Variants in IL1RAPL1 observed in about 807,000 individuals in gnomAD.
The protein encoded by IL1RAPL1 is interleukin-1 receptor accessory protein-like 1.
IL1RAPL1 carries 3 observed loss-of-function variants against 48.4 expected under a neutral mutation model. The ratio of observed to expected loss-of-function variants is 0.06; its 90% CI spans 0.03 to 0.16. IL1RAPL1 has a LOEUF of 0.16. IL1RAPL1 is among the 10% of genes least tolerant of loss of function. The pLI, the probability that IL1RAPL1 is intolerant of heterozygous loss-of-function variation, is 1.00. For synonymous variants in IL1RAPL1, 185 were observed against 187.7 expected, an observed-to-expected ratio of 0.99 and a Z score of 0.12; for missense variants, 349 against 530.6, an observed-to-expected ratio of 0.66 and a Z score of 3.36.
chrX:29,749,029 G>A (rs1357392226), intron 6 of IL1RAPL1, among the ~76,000 whole-genome samples: 2 of 112,519 alleles, frequency 1.8e-5, no homozygotes, highest in African/African-American at 6.5e-5. Context: ...AGCAAAATGA[G>A]GAAGAAATGA....
chrX:29,889,031 A>G (rs1932222288), intron 6 of IL1RAPL1, among the ~76,000 whole-genome samples: 1 of 111,856 alleles, frequency 8.9e-6, no homozygotes, highest in African/African-American at 3.2e-5. Context: ...TTTTATGACT[A>G]GCTGAAAATT....
intron 2 of IL1RAPL1, among the ~76,000 whole-genome samples, chrX:28,791,569 C>T (rs996925817): frequency 1.1e-4 from 12 of 111,778 alleles, no homozygotes; most frequent in East Asian, 5.6e-4. Flanking sequence ...GCAGTTGTCA[C>T]GTAATTATAT....
At chrX:29,611,291 C>T (rs1315293142) in intron 5 of IL1RAPL1, among the ~76,000 whole-genome samples, 1 of 111,830 alleles carries the variant, frequency 8.9e-6, no homozygotes, top group Non-Finnish European at 1.9e-5. Context: ...CACAGTAAAA[C>T]TTGGTTTCCA....
intron 6 of IL1RAPL1, among the ~76,000 whole-genome samples, chrX:29,691,423 T>G (rs1387200917): frequency 9.0e-6 from 1 of 111,601 alleles, no homozygotes; most frequent in South Asian, 3.7e-4. Flanking sequence ...CAGAGAATCT[T>G]GAATGCTAGT....
intron 5 of IL1RAPL1, among the ~76,000 whole-genome samples, chrX:29,510,816 C>T (rs750704111): frequency 8.9e-6 from 1 of 111,989 alleles, no homozygotes; most frequent in South Asian, 3.7e-4. Flanking sequence ...ACCAACACCT[C>T]TGCTCACATT....
At chrX:29,588,790 G>T (rs748913475) in intron 5 of IL1RAPL1, among the ~76,000 whole-genome samples, 2 of 112,084 alleles carry the variant, frequency 1.8e-5, no homozygotes, top group Admixed American at 9.4e-5. Flanking sequence ...TTGATGTCTG[G>T]TAAGTTATAT....
chrX:29,077,955 C>T (rs1243119942), intron 2 of IL1RAPL1, among the ~76,000 whole-genome samples: 4 of 111,592 alleles, frequency 3.6e-5, no homozygotes, highest in Non-Finnish European at 7.5e-5. Context: ...AGAAAAGCCA[C>T]GCTACAAGAC....
intron 6 of IL1RAPL1, among the ~76,000 whole-genome samples, chrX:29,805,068 AT>A (rs1290576721): frequency 1.8e-5 from 2 of 112,295 alleles, no homozygotes; most frequent in Non-Finnish European, 3.8e-5. Context: ...TCCCTTAACC[AT>A]TGTGGTAAGC....
At position 29,148,865 on chromosome X, in the gene IL1RAPL1, CTG is replaced by C. The variant is rs1161658055; in HGVS notation, c.83-134069_83-134068del. 2.7e-5 allele frequency among the ~76,000 whole-genome samples: 3 copies of C among 111,605 alleles called. No individual in the cohort carries two copies. The Admixed American group carries it at 2.9e-4, about 11-fold the overall frequency. ...CTAACTTTCCCATAAAAAGAACAGA[CTG>C]TGTTCAACGTACCCAGATAATACCA... On this transcript the variant is annotated intron_variant, in intron 2 of 10. Transcript: ENST00000378993.
chrX:29,587,076 C>T (rs149430091), intron 5 of IL1RAPL1, among the ~76,000 whole-genome samples: 1,502 of 110,962 alleles, frequency 0.014, 18 homozygotes, highest in African/African-American at 0.047. Flanking sequence ...CTGCAGACAT[C>T]GTTAGCCATG....
chrX:28,670,976 C>T (rs1934941934), intron 1 of IL1RAPL1, among the ~76,000 whole-genome samples: 1 of 112,128 alleles, frequency 8.9e-6, no homozygotes, highest in Non-Finnish European at 1.9e-5. Context: ...TTAAATTCTT[C>T]TGAAGTTTAA....
intron 1 of IL1RAPL1, among the ~76,000 whole-genome samples, chrX:28,640,499 C>T (rs750028154): frequency 9.2e-6 from 1 of 109,163 alleles, no homozygotes; most frequent in East Asian, 2.9e-4. Context: ...GTGTGCACCA[C>T]CACACCCGGC....
intron 2 of IL1RAPL1, among the ~76,000 whole-genome samples, chrX:29,069,021 A>G (rs1030422876): frequency 2.7e-5 from 3 of 111,597 alleles, no homozygotes; most frequent in African/African-American, 9.8e-5. Flanking sequence ...CCTAAGCCCC[A>G]CTCTCTCCCA....
At chrX:28,903,433 T>A (rs113027602) in intron 2 of IL1RAPL1, among the ~76,000 whole-genome samples, 1 of 42,844 alleles carries the variant, frequency 2.3e-5, no homozygotes, top group Non-Finnish European at 4.6e-5. Context: ...TCTTTTTTTT[T>A]TTTTTTTGTT....
chrX:29,076,927 A>G (rs1170651573), intron 2 of IL1RAPL1, among the ~76,000 whole-genome samples: 1 of 111,898 alleles, frequency 8.9e-6, no homozygotes, highest in Non-Finnish European at 1.9e-5. Flanking sequence ...TGGATTTGGA[A>G]AAACTTCATG....
Position 28,768,077 on chromosome X carries a change from G to A in IL1RAPL1, c.-24-21243G>A, listed in dbSNP as rs186892651. Among the ~76,000 whole-genome samples, 3 of 111,263 alleles carry A rather than the reference G, an allele frequency of 2.7e-5. No individual in the cohort carries two copies. In the East Asian group the frequency reaches 8.5e-4, roughly 31 times the overall value. Reference sequence around the variant, plus strand: ...AAGATATAATGGGCTCTAATTTTTAGAGAGTCCTGAGAAGTCCATGAATAT... The same window carrying A: ...AAGATATAATGGGCTCTAATTTTTAAAGAGTCCTGAGAAGTCCATGAATAT... On this transcript the variant is annotated intron_variant, in intron 1 of 10. Coordinates refer to ENST00000378993, the MANE Select transcript of IL1RAPL1 (RefSeq NM_014271.4).
In IL1RAPL1 at chrX:29,117,893, G is replaced by A. The variant is rs779391893; in HGVS notation, c.83-165045G>A. 3.6e-5 allele frequency among the ~76,000 whole-genome samples: 4 copies of A among 111,471 alleles called. No homozygotes were observed. In the South Asian group the frequency reaches 1.5e-3, roughly 42 times the overall value. Reference sequence around the variant, plus strand: ...AAGTCCCCAAAGCAGTTTTGTCCACGTTAATTTTGCTCTGTATCTCAGCAT... The same window carrying A: ...AAGTCCCCAAAGCAGTTTTGTCCACATTAATTTTGCTCTGTATCTCAGCAT... On this transcript the variant is annotated intron_variant, in intron 2 of 10. Transcript: ENST00000378993.
chrX:29,103,549 A>G (rs940781234), intron 2 of IL1RAPL1, among the ~76,000 whole-genome samples: 1 of 107,712 alleles, frequency 9.3e-6, no homozygotes, highest in Non-Finnish European at 1.9e-5. Context: ...ACTCTCTAGG[A>G]CATTGGACTG....
intron 2 of IL1RAPL1, among the ~76,000 whole-genome samples, chrX:29,067,799 G>A (rs1927481744): frequency 9.0e-6 from 1 of 111,649 alleles, no homozygotes; most frequent in African/African-American, 3.3e-5. Context: ...GATCACTTGG[G>A]TAAAGTGTTA....
Sources: allele counts gnomAD v4.1 joint callset (sites outside exome capture counted in the v4.1 genomes callset), GRCh38; gene constraint gnomAD v4.1.1; transcripts MANE v1.5; gene names NCBI Gene and HGNC (gene_info 2026-07-23, HGNC 2026-07-21).